PDE4DIP: variants seen among roughly 807,000 people sequenced by gnomAD.
PDE4DIP encodes the protein phosphodiesterase 4D interacting protein.
A neutral mutation model predicts 221.4 loss-of-function variants in PDE4DIP; 59 were observed. The observed-to-expected ratio is 0.27, with a 90% CI of 0.22 to 0.33. The LOEUF (loss-of-function observed/expected upper bound fraction) is 0.33. Among genes scored for constraint, PDE4DIP ranks in the 10% least tolerant of loss-of-function variants. PDE4DIP has a pLI of 1.00. For synonymous variants in PDE4DIP, 404 were observed against 815.9 expected (o/e 0.50, Z 8.60); for missense variants, 1,036 against 2,154.2 (o/e 0.48, Z 10.28).
chr1:148,989,674 T>G (rs1393112129), intron 21 of PDE4DIP, among the ~76,000 whole-genome samples: 1 of 152,204 alleles, frequency 6.6e-6, no homozygotes, highest in African/African-American at 2.4e-5. Flanking sequence ...AGGATCCTTC[T>G]CTAGCCCCAT....
intron 1 of PDE4DIP, among the ~76,000 whole-genome samples, chr1:148,822,620 C>A (rs1324453420): frequency 1.3e-5 from 2 of 148,638 alleles, no homozygotes; most frequent in Non-Finnish European, 3.0e-5. Flanking sequence ...TTAACCTCTT[C>A]ATGAAGTTGC....
At chr1:149,031,531 G>C (rs2076725149) in intron 43 of PDE4DIP, among the ~76,000 whole-genome samples, 1 of 151,642 alleles carries the variant, frequency 6.6e-6, no homozygotes, top group African/African-American at 2.4e-5. Context: ...ACTTAACAGA[G>C]GGCTTCCCAG....
chr1:148,813,675 T>A (rs370160339), intron 1 of PDE4DIP, among the ~76,000 whole-genome samples: 12 of 99,322 alleles, frequency 1.2e-4, no homozygotes, highest in Admixed American at 1.8e-4. Flanking sequence ...TCTATTTTTT[T>A]CTAGAAGTTT....
At chr1:148,830,182 C>G (rs1553368196) in intron 1 of PDE4DIP, among the ~76,000 whole-genome samples, 1 of 10,496 alleles carries the variant, frequency 9.5e-5, no homozygotes, top group African/African-American at 3.4e-4. Context: ...GCATTAGCTG[C>G]CTCTGAACTC....
chr1:148,990,247 A>G (rs2062754084), intron 21 of PDE4DIP: 1 of 984,350 alleles, frequency 1.0e-6, no homozygotes, highest in African/African-American at 1.7e-5. Context: ...AAGGCTGAGC[A>G]ACCCTTAAAG....
At chr1:148,995,632 A>G (rs2064029961) in intron 22 of PDE4DIP, among the ~76,000 whole-genome samples, 2 of 151,062 alleles carry the variant, frequency 1.3e-5, no homozygotes, top group Non-Finnish European at 3.0e-5. Flanking sequence ...AGACAGATAT[A>G]ATTAAAAATA....
chr1:149,030,851 T>C (rs2152826935), intron 43 of PDE4DIP: 1 of 922,296 alleles, frequency 1.1e-6, no homozygotes, highest in Non-Finnish European at 1.3e-6. Context: ...AGGGAAAAAA[T>C]GTTATATATG....
chr1:148,979,661 C>T, intron 19 of PDE4DIP, 76 bp from the exon 23 acceptor site: 1 of 1,327,004 alleles, frequency 7.5e-7, no homozygotes, highest in Non-Finnish European at 1.1e-6. Flanking sequence ...ATAGTACATG[C>T]TAATGCATTT....
intron 26 of PDE4DIP, among the ~76,000 whole-genome samples, chr1:149,004,523 G>T (rs1311446257): frequency 5.3e-5 from 3 of 56,674 alleles, no homozygotes; most frequent in Non-Finnish European, 1.0e-4. Context: ...ACATTCTTGT[G>T]GCCATCCTAA....
chr1:148,966,687 T>C (rs370323870), intron 11 of PDE4DIP, 31 bp downstream of exon 14: 1 of 840,858 alleles, frequency 1.2e-6, no homozygotes, highest in Non-Finnish European at 2.0e-6. Context: ...CACTATGCTA[T>C]GGATTATTCT....
chr1:148,917,141 A>G (rs2044271326), intron 1 of PDE4DIP, among the ~76,000 whole-genome samples: 1 of 150,932 alleles, frequency 6.6e-6, no homozygotes, highest in Non-Finnish European at 1.5e-5. Flanking sequence ...ATGGGTATTT[A>G]TGTGTATGTT....
At chr1:148,978,567 G>A in intron 19 of PDE4DIP, 152 bp downstream of exon 22, 1 of 546,028 alleles carries the variant, frequency 1.8e-6, no homozygotes, top group East Asian at 3.0e-5. Flanking sequence ...CCCTCAAAGT[G>A]CTGGAATTAC....
At chr1:148,952,015 C>G (rs1370972337) in intron 5 of PDE4DIP, 1 of 988,276 alleles carries the variant, frequency 1.0e-6, no homozygotes, top group Non-Finnish European at 1.2e-6. Flanking sequence ...TACCTAGCGG[C>G]GCTGCCCCGC....
intron 1 of PDE4DIP, among the ~76,000 whole-genome samples, chr1:148,903,348 CT>C (rs1210532615): frequency 7.4e-6 from 1 of 134,584 alleles, no homozygotes; most frequent in Non-Finnish European, 1.6e-5. Flanking sequence ...TTTTCTCCCA[CT>C]CTGTGGGTTG....
chr1:148,879,244 T>TTTATTTATTTATTTGAGA (rs1553421967), intron 3 of PDE4DIP, among the ~76,000 whole-genome samples: 7 of 114,820 alleles, frequency 6.1e-5, no homozygotes, highest in African/African-American at 2.3e-4. Context: ...TGAGATGGAG[T>TTTATTTATTTATTTGAGA]TTCACTCTTG....
chr1:149,029,683 G>A (rs2076144182), intron 41 of PDE4DIP, 104 bp from the exon 45 acceptor site: 7 of 767,586 alleles, frequency 9.1e-6, no homozygotes, highest in South Asian at 6.7e-5. Flanking sequence ...GTTCAAGAGA[G>A]TTGAGAAGAC....
rs782512491 is a variant in PDE4DIP, at chr1:149,017,794, C to T, written c.5565C>T (p.Arg1855=). ...ATCTTGGTGAAATCCGGAACCTGCG[C>T]CAGCGCCTGGAGGAATCCATCTGCA... Residue 1855 remains arginine (R), a synonymous_variant, in exon 34 of 44, where the codon CGC becomes CGT. Coordinates refer to ENST00000369354, the Ensembl canonical transcript of PDE4DIP. 11 of 1,609,212 alleles carry T rather than the reference C, an allele frequency of 6.8e-6. No individual in the cohort carries two copies. In the Admixed American group the frequency reaches 1.8e-4, roughly 27 times the overall value.
chr1:149,011,115 G>A (rs2068493249), intron 31 of PDE4DIP, among the ~76,000 whole-genome samples: 1 of 152,008 alleles, frequency 6.6e-6, no homozygotes, highest in African/African-American at 2.4e-5. Flanking sequence ...TGTACATAGT[G>A]CATATCTTGG....
intron 41 of PDE4DIP, among the ~76,000 whole-genome samples, chr1:149,028,917 C>T (rs587594700): frequency 2.6e-5 from 4 of 152,208 alleles, no homozygotes; most frequent in East Asian, 1.9e-4. Context: ...CCCCACCAGC[C>T]CCCTGTCCCC....
Sources: gnomAD v4.1 joint callset for allele counts (sites outside exome capture counted in the v4.1 genomes callset) on GRCh38, gnomAD v4.1.1 for gene constraint, MANE v1.5 for transcripts, NCBI Gene and HGNC (gene_info 2026-07-23, HGNC 2026-07-21) for gene names.